SETBP1: variants seen among roughly 807,000 people sequenced by gnomAD.
SETBP1 encodes the protein SET-binding protein.
In SETBP1, 9 loss-of-function variants were observed where a neutral mutation model predicts 101.0. That is an observed-to-expected ratio of 0.09 (90% CI 0.05 to 0.16). SETBP1 has a LOEUF of 0.16. Ranked by LOEUF, SETBP1 falls within the 10% of genes least tolerant of loss-of-function variation. The pLI is 1.00. For synonymous variants in SETBP1, 818 were observed against 788.5 expected, an observed-to-expected ratio of 1.04 and a Z score of -0.63; for missense variants, 1,858 against 2,033.8, an observed-to-expected ratio of 0.91 and a Z score of 1.66.
In SETBP1 at chr18:44,860,577, A is replaced by C. The variant is rs189518169; in HGVS notation, c.487-8653A>C. Among the ~76,000 whole-genome samples the C allele has an allele frequency of 4.8e-3, 728 of 152,064 alleles. 8 individuals are homozygous for C. Among genetic ancestry groups the C allele is most frequent in the Non-Finnish European group, 8.1e-3 (552 of 67,992 alleles). On this transcript the variant is annotated intron_variant, in intron 2 of 5. Transcript: ENST00000649279. ...AGCCTGGCCAATGTGGCAAAATCCT[A>C]TCTCTACTAAAAATGTAAAATTAGC...
chr18:44,744,972 C>T (rs1400274415), intron 2 of SETBP1, among the ~76,000 whole-genome samples: 1 of 151,950 alleles, frequency 6.6e-6, no homozygotes, highest in African/African-American at 2.4e-5. Flanking sequence ...AGCTGTTATG[C>T]GCGTCTGGGG....
intron 1 of SETBP1, among the ~76,000 whole-genome samples, chr18:44,697,925 C>T (rs2069047679): frequency 6.6e-6 from 1 of 152,148 alleles, no homozygotes; most frequent in South Asian, 2.1e-4. Context: ...GCATGGCCGG[C>T]ATTGCAAGGA....
chr18:44,855,481 A>G (rs778755137), intron 2 of SETBP1, among the ~76,000 whole-genome samples: 1 of 152,172 alleles, frequency 6.6e-6, no homozygotes, highest in Non-Finnish European at 1.5e-5. Flanking sequence ...CCTGTTCCAT[A>G]CAAGTTACCT....
intron 4 of SETBP1, among the ~76,000 whole-genome samples, chr18:45,013,654 G>A (rs556784978): frequency 3.3e-5 from 5 of 152,252 alleles, no homozygotes; most frequent in Non-Finnish European, 7.4e-5. Context: ...TGGCCAGACT[G>A]GTCTCGAACT....
chr18:44,815,583 C>A (rs2071957194), intron 2 of SETBP1, among the ~76,000 whole-genome samples: 1 of 152,140 alleles, frequency 6.6e-6, no homozygotes, highest in Admixed American at 6.5e-5. Flanking sequence ...GCTACTGATA[C>A]CTTTGCTATT....
intron 2 of SETBP1, among the ~76,000 whole-genome samples, chr18:44,845,267 C>A (rs959830195): frequency 3.9e-5 from 6 of 152,156 alleles, no homozygotes; most frequent in African/African-American, 1.4e-4. Context: ...TGTCATGGTT[C>A]TTCCACAGTA....
In SETBP1 at chr18:44,971,485, CCCA is replaced by C. The variant is rs924396322; in HGVS notation, c.4000+18149_4000+18151del. On this transcript the variant is annotated intron_variant, in intron 4 of 5. Coordinates refer to ENST00000649279, the MANE Select transcript of SETBP1 (RefSeq NM_015559.3). Reference sequence around the variant, plus strand: ...CACAATGGTTGAACTAGTTTACACTCCCACCAACAGTGTAAAAGTGTTCCTATT... The same window carrying C: ...CACAATGGTTGAACTAGTTTACACTCCCAACAGTGTAAAAGTGTTCCTATT... Among the ~76,000 whole-genome samples, 315 of 152,302 alleles carry C rather than the reference CCCA, an allele frequency of 2.1e-3. 1 individual carries two copies. Among genetic ancestry groups the C allele is most frequent in the Middle Eastern group, 0.01 (3 of 294 alleles).
intron 4 of SETBP1, among the ~76,000 whole-genome samples, chr18:44,985,531 A>C (rs936901728): frequency 1.1e-4 from 16 of 152,236 alleles, no homozygotes; most frequent in African/African-American, 2.4e-4. Context: ...ACCAAGGAGC[A>C]CAGTCTTATT....
At chr18:44,717,531 C>T (rs1181384106) in intron 2 of SETBP1, among the ~76,000 whole-genome samples, 1 of 152,188 alleles carries the variant, frequency 6.6e-6, no homozygotes, top group Admixed American at 6.5e-5. Flanking sequence ...AGGGTCTGCC[C>T]TCACTGCACA....
intron 2 of SETBP1, among the ~76,000 whole-genome samples, chr18:44,841,432 A>T (rs1599205840): frequency 6.6e-6 from 1 of 152,182 alleles, no homozygotes; most frequent in Non-Finnish European, 1.5e-5. Context: ...ACCACAATCT[A>T]TTCACTAGAC....
chr18:44,927,168 T>A (rs765313886), intron 3 of SETBP1, among the ~76,000 whole-genome samples: 1 of 152,158 alleles, frequency 6.6e-6, no homozygotes, highest in Non-Finnish European at 1.5e-5. Flanking sequence ...TTTCATATAT[T>A]TACAAAAGCA....
intron 5 of SETBP1, among the ~76,000 whole-genome samples, chr18:45,062,297 G>T (rs1313226651): frequency 6.6e-6 from 1 of 152,174 alleles, no homozygotes. Flanking sequence ...AGCCTGGTAG[G>T]GGTAGTGTAA....
chr18:44,904,327 T>C (rs2070122367), intron 3 of SETBP1, among the ~76,000 whole-genome samples: 3 of 152,198 alleles, frequency 2.0e-5, no homozygotes, highest in Admixed American at 2.0e-4. Flanking sequence ...TATTTGTTGC[T>C]CTATGCCTGG....
At chr18:44,894,403 T>TGCCAAG (rs1383129830) in intron 3 of SETBP1, among the ~76,000 whole-genome samples, 14 of 152,144 alleles carry the variant, frequency 9.2e-5, no homozygotes, top group Non-Finnish European at 1.8e-4. Context: ...TGGATCATTT[T>TGCCAAG]TTTTTTCACC....
chr18:44,734,765 A>G (rs2069927055), intron 2 of SETBP1, among the ~76,000 whole-genome samples: 1 of 152,142 alleles, frequency 6.6e-6, no homozygotes, highest in South Asian at 2.1e-4. Flanking sequence ...GTGTCCCTCC[A>G]TTGTTACGTT....
chr18:44,988,206 G>A (rs2072282084), intron 4 of SETBP1: 2 of 152,106 alleles, frequency 1.3e-5, no homozygotes, highest in South Asian at 2.1e-4. Context: ...TCACATCATA[G>A]GATATATTTA....
rs1254464012 is a variant in SETBP1, at chr18:45,063,267, C to T, written c.4360C>T (p.Arg1454Cys). The T allele has an allele frequency of 2.5e-6, 4 of 1,611,730 alleles. No individual in the cohort carries two copies. Among genetic ancestry groups the T allele is most frequent in the Non-Finnish European group, 3.4e-6 (4 of 1,178,788 alleles). ...KTGNNFVKKR[R>C]GRPRKQPTQF... ...AGGCAACAACTTCGTGAAGAAGAGG[C>T]GCGGGCGTCCCAGGAAGCAGCCCAC... is the stretch of plus-strand genomic sequence containing the variant. The change falls in exon 6 of 6, where the codon CGC becomes TGC. Residue 1454 changes from arginine (R) to cysteine (C), a missense_variant. Coordinates refer to ENST00000649279, the MANE Select transcript of SETBP1 (RefSeq NM_015559.3).
intron 4 of SETBP1, chr18:44,989,073 T>C (rs1226799640): frequency 6.6e-6 from 1 of 152,154 alleles, no homozygotes; most frequent in East Asian, 1.9e-4. Flanking sequence ...AATATGATAA[T>C]GCAAAATACA....
intron 2 of SETBP1, among the ~76,000 whole-genome samples, chr18:44,752,976 A>G (rs1194897360): frequency 6.6e-6 from 1 of 152,220 alleles, no homozygotes; most frequent in African/African-American, 2.4e-5. Context: ...ACTGATTCCA[A>G]CTTCTCAAAT....
Sources: allele counts gnomAD v4.1 joint callset (sites outside exome capture counted in the v4.1 genomes callset), GRCh38; gene constraint gnomAD v4.1.1; transcripts MANE v1.5; gene names NCBI Gene and HGNC (gene_info 2026-07-23, HGNC 2026-07-21).